Variants in GPR39 observed in about 807,000 individuals in gnomAD.
GPR39 encodes zinc sensing receptor.
In GPR39, 23 loss-of-function variants were observed where a neutral mutation model predicts 18.4. That is an observed-to-expected ratio of 1.25 (90% confidence interval 0.90 to 1.77). The LOEUF is 1.77. GPR39 is among the 40% of genes most tolerant of loss of function. GPR39 has a pLI of 0.00. For synonymous variants in GPR39, 280 were observed against 257.9 expected (o/e 1.09, Z -0.82); for missense variants, 647 against 602.4 (o/e 1.07, Z -0.78).
intron 1 of GPR39, among the ~76,000 whole-genome samples, chr2:132,449,896 T>G (rs112444509): frequency 2.0e-5 from 3 of 152,280 alleles, no homozygotes; most frequent in African/African-American, 7.2e-5. Context: ...ATTTTACATC[T>G]CCTACACCTT....
chr2:132,626,400 C>T (rs1681546104), intron 1 of GPR39, among the ~76,000 whole-genome samples: 2 of 152,196 alleles, frequency 1.3e-5, no homozygotes, highest in African/African-American at 4.8e-5. Flanking sequence ...TCTGCTTTCA[C>T]ATTGGCGAGA....
rs190281239 is a variant in GPR39 at position 132,555,385 on chromosome 2, G to C, written c.857-89716G>C. Reference sequence around the variant, plus strand: ...GGCCTGCTGTGTTTCAGGGTCTTTCGTGAGGTTGCAGTCAGAAGTCAGTGT... The same window carrying C: ...GGCCTGCTGTGTTTCAGGGTCTTTCCTGAGGTTGCAGTCAGAAGTCAGTGT... On this transcript the variant is annotated intron_variant, in intron 1 of 1. Coordinates refer to ENST00000329321, the MANE Select transcript of GPR39 (RefSeq NM_001508.3). Among the ~76,000 whole-genome samples the C allele has an allele frequency of 2.0e-5, 3 of 152,286 alleles. No individual in the cohort carries two copies. The South Asian group carries it at 6.2e-4, about 32-fold the overall frequency.
At chr2:132,599,897 C>G (rs1681009600) in intron 1 of GPR39, among the ~76,000 whole-genome samples, 1 of 152,166 alleles carries the variant, frequency 6.6e-6, no homozygotes, top group Non-Finnish European at 1.5e-5. Flanking sequence ...TGGAGTCCCT[C>G]TTAATAACAC....
intron 1 of GPR39, among the ~76,000 whole-genome samples, chr2:132,483,071 A>G (rs766784048): frequency 6.6e-6 from 1 of 152,202 alleles, no homozygotes; most frequent in Non-Finnish European, 1.5e-5. Flanking sequence ...TATAACCTTC[A>G]GCAAGTTTCT....
intron 1 of GPR39, among the ~76,000 whole-genome samples, chr2:132,625,633 C>G (rs1201805456): frequency 6.6e-6 from 1 of 152,118 alleles, no homozygotes; most frequent in Non-Finnish European, 1.5e-5. Flanking sequence ...GCTTTCAGTT[C>G]CTTCTCTTCC....
At chr2:132,442,595 C>G (rs13410626) in intron 1 of GPR39, among the ~76,000 whole-genome samples, 2 of 152,180 alleles carry the variant, frequency 1.3e-5, no homozygotes, top group Admixed American at 1.3e-4. Context: ...CAGAGTCAGA[C>G]ACAGCTTTGG....
chr2:132,437,000 AG>A (rs1471535793), intron 1 of GPR39, among the ~76,000 whole-genome samples: 6 of 152,200 alleles, frequency 3.9e-5, no homozygotes, highest in African/African-American at 1.4e-4. Flanking sequence ...CCTATTTTAG[AG>A]ATAAGCAAAT....
chr2:132,645,320 T>G lies in GPR39; in HGVS notation c.1076T>G (p.Leu359Arg). 1 of 1,614,214 alleles carries G rather than the reference T, an allele frequency of 6.2e-7. No homozygotes were observed. Among genetic ancestry groups the G allele is most frequent in the Non-Finnish European group, 8.5e-7 (1 of 1,180,030 alleles). ...QQFRRVFVQV[L>R]CCRLSLQHAN... Reference sequence around the variant, plus strand: ...TTTCGGCGGGTGTTCGTGCAGGTGCTGTGCTGCCGCCTGTCGCTGCAGCAC... The same window carrying G: ...TTTCGGCGGGTGTTCGTGCAGGTGCGGTGCTGCCGCCTGTCGCTGCAGCAC... The change falls in exon 2 of 2, where the codon CTG (leucine) becomes CGG (arginine). Residue 359 changes from leucine (L) to arginine (R), a missense_variant. Transcript: ENST00000329321.
At chr2:132,606,568 A>T (rs1311410712) in intron 1 of GPR39, among the ~76,000 whole-genome samples, 1 of 152,210 alleles carries the variant, frequency 6.6e-6, no homozygotes, top group East Asian at 1.9e-4. Context: ...TACAAGCCCA[A>T]GTGGGTGTGT....
intron 1 of GPR39, among the ~76,000 whole-genome samples, chr2:132,556,453 A>T (rs1256345260): frequency 6.6e-6 from 1 of 152,184 alleles, no homozygotes; most frequent in Non-Finnish European, 1.5e-5. Context: ...GCCCCAGTAC[A>T]CCATTGGCTC....
At chr2:132,535,309 T>C (rs1457614283) in intron 1 of GPR39, among the ~76,000 whole-genome samples, 1 of 152,220 alleles carries the variant, frequency 6.6e-6, no homozygotes, top group Non-Finnish European at 1.5e-5. Context: ...CTTTTCTGCA[T>C]CTGTTGGGAT....
At chr2:132,421,331 A>C (rs1367090778) in intron 1 of GPR39, among the ~76,000 whole-genome samples, 1 of 152,228 alleles carries the variant, frequency 6.6e-6, no homozygotes, top group Admixed American at 6.5e-5. Context: ...AGTAATTTTA[A>C]AAAAAGCATA....
chr2:132,417,031 G>A lies in GPR39; in HGVS notation c.-12G>A, dbSNP rs1015623619. ...GAAAGTCTTTGGACCTGGTAGCCTGGTGCTCTTTCTCATGGCTTCACCCAG... is the reference window on the plus strand; with the variant it reads ...GAAAGTCTTTGGACCTGGTAGCCTGATGCTCTTTCTCATGGCTTCACCCAG... On this transcript the variant is annotated 5_prime_UTR_variant, in exon 1 of 2. In the 5' UTR this introduces an upstream ATG that the reference lacks. Coordinates refer to ENST00000329321, the MANE Select transcript of GPR39 (RefSeq NM_001508.3). The A allele has an allele frequency of 6.2e-7, 1 of 1,610,760 alleles. No homozygotes were observed. Among genetic ancestry groups the A allele is most frequent in the Non-Finnish European group, 8.5e-7 (1 of 1,177,742 alleles).
chr2:132,449,515 G>A (rs1246576186), intron 1 of GPR39, among the ~76,000 whole-genome samples: 3 of 152,146 alleles, frequency 2.0e-5, no homozygotes, highest in Non-Finnish European at 4.4e-5. Context: ...CCAAAGTGCT[G>A]GGATTACAGA....
chr2:132,447,379 G>C (rs1680555070), intron 1 of GPR39, among the ~76,000 whole-genome samples: 1 of 152,110 alleles, frequency 6.6e-6, no homozygotes, highest in Non-Finnish European at 1.5e-5. Context: ...ATATTATCAG[G>C]GGCGCTTTGT....
At chr2:132,609,318 G>A (rs1339177156) in intron 1 of GPR39, among the ~76,000 whole-genome samples, 1 of 152,172 alleles carries the variant, frequency 6.6e-6, no homozygotes, top group East Asian at 1.9e-4. Context: ...TATTTACTTA[G>A]CACTTGCTCC....
At chr2:132,630,142 A>C (rs1378032596) in intron 1 of GPR39, among the ~76,000 whole-genome samples, 1 of 152,178 alleles carries the variant, frequency 6.6e-6, no homozygotes, top group Non-Finnish European at 1.5e-5. Flanking sequence ...TCCAGCCTCG[A>C]ACCCCATGGA....
At chr2:132,503,645 G>A (rs1679084890) in intron 1 of GPR39, among the ~76,000 whole-genome samples, 1 of 152,168 alleles carries the variant, frequency 6.6e-6, no homozygotes, top group African/African-American at 2.4e-5. Context: ...GTGGTGGGCA[G>A]GGCCATAGAA....
chr2:132,553,285 T>C (rs1279567198), intron 1 of GPR39, among the ~76,000 whole-genome samples: 2 of 150,006 alleles, frequency 1.3e-5, no homozygotes, highest in Admixed American at 6.7e-5. Context: ...CCCTCACGGA[T>C]ACTGTATATA....
Sources: allele counts gnomAD v4.1 joint callset (sites outside exome capture counted in the v4.1 genomes callset), GRCh38; gene constraint gnomAD v4.1.1; transcripts MANE v1.5; gene names NCBI Gene and HGNC (gene_info 2026-07-23, HGNC 2026-07-21).